Variants in LSAMP observed in about 807,000 individuals in gnomAD.
LSAMP encodes limbic system associated membrane protein.
A neutral mutation model predicts 38.6 loss-of-function variants in LSAMP; 7 were observed. The ratio of observed to expected loss-of-function variants is 0.18; its 90% CI spans 0.10 to 0.34. The LOEUF (loss-of-function observed/expected upper bound fraction) is 0.34, where lower values mean the gene tolerates loss of function less well. Among genes scored for constraint, LSAMP ranks in the 10% least tolerant of loss-of-function variants. The probability of loss-of-function intolerance (pLI) is 1.00; values close to 1 mark genes in which losing one functional copy is unlikely to be tolerated. For missense variants in LSAMP, 313 were observed against 420.0 expected (o/e 0.75, Z 2.23); for synonymous variants, 154 against 166.8 (o/e 0.92, Z 0.59).
At chr3:116,191,687 T>G (rs573346211) in intron 1 of LSAMP, among the ~76,000 whole-genome samples, 22 of 152,004 alleles carry the variant, frequency 1.4e-4, no homozygotes, top group African/African-American at 5.1e-4. Flanking sequence ...ATCAGGTTTT[T>G]GTGCCATTCC....
chr3:116,390,643 T>C (rs771756449), intron 1 of LSAMP, among the ~76,000 whole-genome samples: 1 of 149,244 alleles, frequency 6.7e-6, no homozygotes, highest in Non-Finnish European at 1.5e-5. Flanking sequence ...GGCATGAAAA[T>C]TGCTTGAACC....
intron 1 of LSAMP, among the ~76,000 whole-genome samples, chr3:116,160,707 C>T (rs186456243): frequency 6.6e-6 from 1 of 152,100 alleles, no homozygotes; most frequent in Non-Finnish European, 1.5e-5. Context: ...TATTTGGCAA[C>T]ACTTGATGAC....
chr3:116,175,626 G>C (rs2107560818), intron 1 of LSAMP, among the ~76,000 whole-genome samples: 1 of 152,092 alleles, frequency 6.6e-6, no homozygotes, highest in South Asian at 2.1e-4. Context: ...CCCAAGGAAA[G>C]TGACGAGGAA....
chr3:116,327,940 T>C (rs933242419), intron 1 of LSAMP, among the ~76,000 whole-genome samples: 3 of 152,160 alleles, frequency 2.0e-5, no homozygotes, highest in African/African-American at 4.8e-5. Context: ...TGATGGATGA[T>C]TGTGTGATCA....
chr3:116,114,428 T>C (rs555958207), intron 1 of LSAMP, among the ~76,000 whole-genome samples: 1 of 152,252 alleles, frequency 6.6e-6, no homozygotes, highest in Non-Finnish European at 1.5e-5. Context: ...TATTCTTATT[T>C]GTGTTGTATA....
At chr3:116,128,101 A>G (rs985310924) in intron 1 of LSAMP, among the ~76,000 whole-genome samples, 2 of 152,336 alleles carry the variant, frequency 1.3e-5, no homozygotes, top group African/African-American at 4.8e-5. Flanking sequence ...TTGCTCATTA[A>G]TTCAATTAAC....
chr3:116,441,159 G>A (rs1223302370), intron 1 of LSAMP, among the ~76,000 whole-genome samples: 8 of 152,074 alleles, frequency 5.3e-5, no homozygotes, highest in Non-Finnish European at 8.8e-5. Context: ...TGTAATACTT[G>A]TTAGGTACGC....
chr3:115,939,530 C>T (rs943572712), intron 3 of LSAMP, among the ~76,000 whole-genome samples: 1 of 99,620 alleles, frequency 1.0e-5, no homozygotes, highest in African/African-American at 3.7e-5. Flanking sequence ...TGTTCTCTTT[C>T]TCTTTCTTTC....
At chr3:116,123,657 G>T (rs1030639558) in intron 1 of LSAMP, among the ~76,000 whole-genome samples, 1 of 152,072 alleles carries the variant, frequency 6.6e-6, no homozygotes, top group African/African-American at 2.4e-5. Context: ...AATGGATAAG[G>T]GTATCCATGA....
At chr3:116,073,419 G>T (rs189121185) in intron 2 of LSAMP, among the ~76,000 whole-genome samples, 105 of 152,224 alleles carry the variant, frequency 6.9e-4, no homozygotes, top group African/African-American at 2.5e-3. Flanking sequence ...GGTTCCATAT[G>T]AATTTTAAAA....
intron 1 of LSAMP, among the ~76,000 whole-genome samples, chr3:116,411,961 C>T (rs1461483215): frequency 6.6e-6 from 1 of 151,840 alleles, no homozygotes; most frequent in African/African-American, 2.4e-5. Flanking sequence ...TTACTTCTGC[C>T]TTTTGCCATG....
intron 4 of LSAMP, among the ~76,000 whole-genome samples, chr3:115,848,566 G>A (rs1935232760): frequency 6.6e-6 from 1 of 152,184 alleles, no homozygotes; most frequent in African/African-American, 2.4e-5. Flanking sequence ...GGTATTCTGT[G>A]GCAACCTCTG....
At chr3:115,855,841 C>G (rs1017627602) in intron 3 of LSAMP, among the ~76,000 whole-genome samples, 4 of 152,178 alleles carry the variant, frequency 2.6e-5, no homozygotes, top group African/African-American at 9.7e-5. Context: ...TTAAAACATT[C>G]AGAGACACCC....
chr3:116,245,612 T>C (rs1278192557), intron 1 of LSAMP, among the ~76,000 whole-genome samples: 1 of 152,220 alleles, frequency 6.6e-6, no homozygotes, highest in Non-Finnish European at 1.5e-5. Flanking sequence ...TGCATCCTAG[T>C]ATGTATTGTT....
At chr3:116,172,670 A>G (rs2107555523) in intron 1 of LSAMP, among the ~76,000 whole-genome samples, 1 of 152,142 alleles carries the variant, frequency 6.6e-6, no homozygotes, top group East Asian at 1.9e-4. Flanking sequence ...CTCAAGAAGG[A>G]CTGCTTTCAG....
At position 115,967,894 on chromosome 3, in the gene LSAMP, G is replaced by A. The variant is rs536127656; in HGVS notation, c.514+51621C>T. Among the ~76,000 whole-genome samples, 12 of 152,220 alleles carry A rather than the reference G, an allele frequency of 7.9e-5. No homozygotes were observed. In the South Asian group the frequency reaches 2.3e-3, roughly 29 times the overall value. ...GTGGGAATTATGGGAGCTACAAGAT[G>A]AGATTTGGGTGGAGACACAGAGCCA... On this transcript the variant is annotated intron_variant, in intron 3 of 6. Coordinates refer to ENST00000490035, the MANE Select transcript of LSAMP (RefSeq NM_002338.5).
At chr3:116,441,045 T>C (rs2049427223) in intron 1 of LSAMP, among the ~76,000 whole-genome samples, 3 of 152,196 alleles carry the variant, frequency 2.0e-5, no homozygotes, top group Admixed American at 1.3e-4. Flanking sequence ...TGTTTCTTCT[T>C]TTCCCCCCTT....
chr3:116,009,012 C>T lies in LSAMP; in HGVS notation c.514+10503G>A, dbSNP rs148612214. On this transcript the variant is annotated intron_variant, in intron 3 of 6. Transcript: ENST00000490035. ...TGATGCCAATTCTGATAGTCAGAGT[C>T]CAACCTTGTAGCCAAGGAAAAACCT... Among the ~76,000 whole-genome samples, 606 of 152,262 alleles carry T rather than the reference C, an allele frequency of 4.0e-3. 6 individuals are homozygous for T. Among genetic ancestry groups the T allele is most frequent in the African/African-American group, 0.013 (556 of 41,538 alleles).
At chr3:116,055,378 T>C (rs1165078323) in intron 2 of LSAMP, among the ~76,000 whole-genome samples, 2 of 152,174 alleles carry the variant, frequency 1.3e-5, no homozygotes, top group Non-Finnish European at 2.9e-5. Flanking sequence ...GTCATTGCCA[T>C]AACAGAAACA....
Sources: allele counts gnomAD v4.1 joint callset (sites outside exome capture counted in the v4.1 genomes callset), GRCh38; gene constraint gnomAD v4.1.1; transcripts MANE v1.5; gene names NCBI Gene and HGNC (gene_info 2026-07-23, HGNC 2026-07-21).